The following MGAT4A variants were observed in gnomAD, a reference collection of about 807,000 sequenced individuals.
The protein encoded by MGAT4A is alpha-1,3-mannosyl-glycoprotein 4-beta-N-acetylglucosaminyltransferase A, also known as N-acetylglucosaminyltransferase IVa.
In MGAT4A, 33 loss-of-function variants were observed where a neutral mutation model predicts 74.1. That is an observed-to-expected ratio of 0.45 (90% CI 0.34 to 0.60). MGAT4A has a LOEUF of 0.60. MGAT4A is among the 20% of genes least tolerant of loss of function. MGAT4A has a pLI of 0.02. For missense variants in MGAT4A, 479 were observed against 628.3 expected, an observed-to-expected ratio of 0.76 and a Z score of 2.54; for synonymous variants, 198 against 210.4, an observed-to-expected ratio of 0.94 and a Z score of 0.51.
rs549243055 is a variant in MGAT4A, at chr2:98,648,242, T to C, written c.775-2700A>G. On this transcript the variant is annotated intron_variant, in intron 8 of 15. Coordinates refer to ENST00000393487, the MANE Select transcript of MGAT4A (RefSeq NM_012214.3). ...GGCTGGGTGTGGTGGCTCACACCTG[T>C]AATCCCAGCACTTTGTGAGGCTGAG... 5.1e-4 allele frequency among the ~76,000 whole-genome samples: 77 copies of C among 152,346 alleles called. 1 individual carries two copies. The highest frequency in any genetic ancestry group is 1.6e-3 in the African/African-American group (68 of 41,582).
chr2:98,629,103 T>A (rs1404790580), intron 14 of MGAT4A, among the ~76,000 whole-genome samples: 1 of 152,244 alleles, frequency 6.6e-6, no homozygotes, highest in Non-Finnish European at 1.5e-5. Context: ...GATGACTTTT[T>A]AAAAAATGTT....
intron 4 of MGAT4A, among the ~76,000 whole-genome samples, chr2:98,671,981 CTA>C (rs1486969433): frequency 6.7e-6 from 1 of 149,094 alleles, no homozygotes; most frequent in Non-Finnish European, 1.5e-5. Context: ...GGATCCTCCC[CTA>C]GAGATTCCAG....
intron 1 of MGAT4A, among the ~76,000 whole-genome samples, chr2:98,727,204 C>T (rs1702777402): frequency 6.6e-6 from 1 of 152,184 alleles, no homozygotes; most frequent in Non-Finnish European, 1.5e-5. Context: ...GACTAACCCA[C>T]TCCCAGGGTG....
chr2:98,623,838 A>T lies in MGAT4A; in HGVS notation c.*1728T>A. ...TTCAGCACATTGGGTAACTAGATGA[A>T]GCTCCTCCAGGCTAGAGGCAGCCAG... On this transcript the variant is annotated 3_prime_UTR_variant, in exon 16 of 16. Transcript: ENST00000393487. 1.0e-6 allele frequency: 1 copy of T among 985,376 alleles called. No individual in the cohort carries two copies. The highest frequency in any genetic ancestry group is 1.2e-6 in the Non-Finnish European group (1 of 829,960). 61.0% of individuals were successfully genotyped at this position (985,376 alleles called of 1,614,324 possible).
chr2:98,643,874 C>T (rs534351323), intron 10 of MGAT4A, 49 bp downstream of exon 10: 61 of 1,407,230 alleles, frequency 4.3e-5, no homozygotes, highest in African/African-American at 3.1e-4. Flanking sequence ...GTCACTTTCA[C>T]GAAATACAGA....
chr2:98,678,008 T>C (rs1318005408), intron 3 of MGAT4A, among the ~76,000 whole-genome samples: 1 of 150,606 alleles, frequency 6.6e-6, no homozygotes, highest in East Asian at 1.9e-4. Context: ...AGGGGGTGGA[T>C]CACGAGGTCA....
In MGAT4A at chr2:98,714,118, C is replaced by T. The variant is rs372289042; in HGVS notation, c.94+12121G>A. On this transcript the variant is annotated intron_variant, in intron 2 of 15. Transcript: ENST00000393487. Reference sequence around the variant, plus strand: ...TTTTTTTTTCTTTGAGACGGAGTCTCGCTCTGTCACCCAGGCTGGAGTGCA... The same window carrying T: ...TTTTTTTTTCTTTGAGACGGAGTCTTGCTCTGTCACCCAGGCTGGAGTGCA... 3.2e-3 allele frequency among the ~76,000 whole-genome samples: 480 copies of T among 152,204 alleles called. 6 individuals carry two copies. The highest frequency in any genetic ancestry group is 0.011 in the African/African-American group (469 of 41,514).
intron 2 of MGAT4A, among the ~76,000 whole-genome samples, chr2:98,699,243 A>C (rs371025073): frequency 3.0e-4 from 45 of 152,344 alleles, no homozygotes; most frequent in East Asian, 2.9e-3. Flanking sequence ...CTGGTCACAT[A>C]GGCACCCGCT....
At chr2:98,670,574 A>T (rs981808394) in intron 4 of MGAT4A, among the ~76,000 whole-genome samples, 1 of 152,252 alleles carries the variant, frequency 6.6e-6, no homozygotes, top group Non-Finnish European at 1.5e-5. Flanking sequence ...AGTTATAACT[A>T]AATTATGTCC....
chr2:98,725,000 AG>A (rs1330761582), intron 2 of MGAT4A, among the ~76,000 whole-genome samples: 1 of 152,230 alleles, frequency 6.6e-6, no homozygotes, highest in African/African-American at 2.4e-5. Flanking sequence ...GCCTGAATCC[AG>A]GAGGCAGAGG....
At position 98,693,924 on chromosome 2, in the gene MGAT4A, A is replaced by G. The variant is rs78291262; in HGVS notation, c.95-15453T>C. ...AACACACAAGAAGTCAGGAAAAAAAATTAAAACACTGAAGGAACAAACTAC... is the reference window on the plus strand; with the variant it reads ...AACACACAAGAAGTCAGGAAAAAAAGTTAAAACACTGAAGGAACAAACTAC... On this transcript the variant is annotated intron_variant, in intron 2 of 15. Transcript: ENST00000393487. Among the ~76,000 whole-genome samples the G allele has an allele frequency of 7.8e-4, 119 of 152,364 alleles. 1 individual carries two copies. In the East Asian group the frequency reaches 0.021, roughly 27 times the overall value.
At chr2:98,712,973 G>A (rs1006403449) in intron 2 of MGAT4A, among the ~76,000 whole-genome samples, 2 of 151,900 alleles carry the variant, frequency 1.3e-5, no homozygotes, top group Non-Finnish European at 2.9e-5. Context: ...AGCAGCCTTG[G>A]CAACACTGTG....
Position 98,726,445 on chromosome 2 carries a change from A to G in MGAT4A, c.-113T>C. On this transcript the variant is annotated 5_prime_UTR_variant, in exon 2 of 16. Transcript: ENST00000393487. ...GTACTCCTGGCTCTAGGCCAATAAA[A>G]ATCAATAAGAGAGGTTCATTTCAGA... 1 of 742,086 alleles carries G rather than the reference A, an allele frequency of 1.3e-6. No homozygotes were observed. Among genetic ancestry groups the G allele is most frequent in the Non-Finnish European group, 2.2e-6 (1 of 458,012 alleles). 46.0% of individuals were successfully genotyped at this position (742,086 alleles called of 1,614,324 possible). A position where few individuals can be genotyped will look rare whatever the true frequency, so the allele number is the denominator to read the frequency against.
Position 98,623,875 on chromosome 2 carries a change from C to T in MGAT4A, c.*1691G>A, listed in dbSNP as rs1273179132. On this transcript the variant is annotated 3_prime_UTR_variant, in exon 16 of 16. Transcript: ENST00000393487. Reference sequence around the variant, plus strand: ...CTAGAGGCAGCCAGCTGGAACCTTGCCCCAGCGCTAGGCCCCAGCCAGTGG... The same window carrying T: ...CTAGAGGCAGCCAGCTGGAACCTTGTCCCAGCGCTAGGCCCCAGCCAGTGG... The T allele has an allele frequency of 1.5e-5, 15 of 985,360 alleles. No homozygotes were observed. Among genetic ancestry groups the T allele is most frequent in the Admixed American group, 1.2e-4 (2 of 16,264 alleles). The allele number at this position is 985,360 out of a possible 1,614,324, so 61.0% of individuals were successfully genotyped here.
chr2:98,730,795 G>A (rs1702842675), intron 1 of MGAT4A, among the ~76,000 whole-genome samples: 1 of 147,192 alleles, frequency 6.8e-6, no homozygotes, highest in African/African-American at 2.5e-5. Flanking sequence ...CCCGGCCCGC[G>A]CCCCGCCGCC....
chr2:98,660,418 GCACACACACACACACACACACACA>G (rs534943882), intron 5 of MGAT4A, among the ~76,000 whole-genome samples: 1 of 141,642 alleles, frequency 7.1e-6, no homozygotes, highest in Non-Finnish European at 1.5e-5. Flanking sequence ...ACACGCACGC[GCACACACACACACACACACACACA>G]CACACACACA....
Position 98,705,948 on chromosome 2 carries a change from C to CAA in MGAT4A, c.94+20289_94+20290dup, listed in dbSNP as rs35710005. Among the ~76,000 whole-genome samples, 186 of 46,228 alleles carry CAA rather than the reference C, an allele frequency of 4.0e-3. 2 individuals are homozygous for CAA. Among genetic ancestry groups the CAA allele is most frequent in the Middle Eastern group, 0.012 (1 of 84 alleles). The allele number at this position is 46,228 out of a possible 152,430, so 30.3% of individuals were successfully genotyped here. A position where few individuals can be genotyped will look rare whatever the true frequency, so the allele number is the denominator to read the frequency against. On this transcript the variant is annotated intron_variant, in intron 2 of 15. Coordinates refer to ENST00000393487, the MANE Select transcript of MGAT4A (RefSeq NM_012214.3). ...TGGGCGACAGAGCGAGACTCCGTCT[C>CAA]AAAAAAAAAAAAAAAAAAAAAAAGA...
chr2:98,716,815 T>A (rs965751778), intron 2 of MGAT4A, among the ~76,000 whole-genome samples: 2 of 152,216 alleles, frequency 1.3e-5, no homozygotes, highest in Non-Finnish European at 2.9e-5. Flanking sequence ...TTGTATACTT[T>A]AAATCATCTC....
intron 2 of MGAT4A, among the ~76,000 whole-genome samples, chr2:98,705,962 A>G (rs1347178588): frequency 6.6e-6 from 1 of 150,826 alleles, no homozygotes; most frequent in Non-Finnish European, 1.5e-5. Flanking sequence ...AAAAAAAAAA[A>G]AAAAAAAAAG....
Sources: allele counts gnomAD v4.1 joint callset (sites outside exome capture counted in the v4.1 genomes callset), GRCh38; gene constraint gnomAD v4.1.1; transcripts MANE v1.5; gene names NCBI Gene and HGNC (gene_info 2026-07-23, HGNC 2026-07-21).